The following KDM3A variants were observed in gnomAD, a reference collection of about 807,000 sequenced individuals.
KDM3A encodes lysine demethylase 3A, also known as lysine-specific demethylase 3A.
In KDM3A, 60 loss-of-function variants were observed where a neutral mutation model predicts 158.0. The observed-to-expected ratio is 0.38, with a 90% CI of 0.31 to 0.47. The LOEUF (loss-of-function observed/expected upper bound fraction) is 0.47. Among genes scored for constraint, KDM3A ranks in the 20% least tolerant of loss-of-function variants. KDM3A has a pLI of 0.99. For missense variants in KDM3A, 1,319 were observed against 1,574.3 expected, an observed-to-expected ratio of 0.84 and a Z score of 2.74; for synonymous variants, 608 against 549.3, an observed-to-expected ratio of 1.11 and a Z score of -1.49.
chr2:86,462,122 G>A (rs189216374), intron 8 of KDM3A, among the ~76,000 whole-genome samples: 1 of 152,164 alleles, frequency 6.6e-6, no homozygotes, highest in East Asian at 1.9e-4. Context: ...GAAAAGAAAT[G>A]GGTAGATTCA....
intron 12 of KDM3A, among the ~76,000 whole-genome samples, chr2:86,477,595 A>AG (rs1382631145): frequency 1.3e-5 from 2 of 152,108 alleles, no homozygotes; most frequent in East Asian, 3.9e-4. Flanking sequence ...CAGTCTGAAT[A>AG]GGGATTCTGC....
chr2:86,479,901 A>G, intron 15 of KDM3A: 1 of 461,288 alleles, frequency 2.2e-6, no homozygotes, highest in South Asian at 2.4e-5. Flanking sequence ...ACATAGAGTA[A>G]TAGGGATATG....
At chr2:86,445,881 G>A (rs1025168444) in intron 2 of KDM3A, among the ~76,000 whole-genome samples, 10 of 152,200 alleles carry the variant, frequency 6.6e-5, no homozygotes, top group African/African-American at 2.4e-4. Flanking sequence ...GTGGAGTAGT[G>A]AATTAAGTGG....
rs56347930 is a variant in KDM3A at position 86,456,778 on chromosome 2, G to A, written c.682-27G>A. The stretch of plus-strand genomic sequence containing the variant: ...TGTTCTTGAGCATTTTTTATTTTCC[G>A]GTATCTTTGTTTCATTTATTTTTAA... On this transcript the variant is annotated intron_variant, in intron 6 of 25. Transcript: ENST00000312912. 4.0e-5 allele frequency: 63 copies of A among 1,562,812 alleles called. No homozygotes were observed. In the African/African-American group the frequency reaches 6.8e-4, roughly 17 times the overall value.
At chr2:86,484,902 G>C in intron 19 of KDM3A, 40 bp from the exon 20 acceptor site, 1 of 1,293,608 alleles carries the variant, frequency 7.7e-7, no homozygotes, top group South Asian at 1.2e-5. Context: ...GTCTGTTTCT[G>C]AATTATAAAT....
intron 2 of KDM3A, among the ~76,000 whole-genome samples, chr2:86,444,973 C>G (rs761029440): frequency 6.6e-6 from 1 of 152,076 alleles, no homozygotes; most frequent in Non-Finnish European, 1.5e-5. Flanking sequence ...AAAAAATAAT[C>G]ATTAAATGGA....
intron 16 of KDM3A, among the ~76,000 whole-genome samples, chr2:86,480,800 A>C (rs115564415): frequency 1.3e-5 from 2 of 152,346 alleles, no homozygotes; most frequent in African/African-American, 2.4e-5. Flanking sequence ...TAATTTGAAA[A>C]GCTGGCAAGA....
intron 12 of KDM3A, among the ~76,000 whole-genome samples, chr2:86,476,265 A>G (rs1363463518): frequency 1.3e-5 from 2 of 152,228 alleles, no homozygotes; most frequent in Non-Finnish European, 2.9e-5. Flanking sequence ...TTTGGAATGT[A>G]TTAGTGGCTT....
upstream of KDM3A, among the ~76,000 whole-genome samples, chr2:86,440,335 A>C (rs1221645420): frequency 6.6e-6 from 1 of 152,186 alleles, no homozygotes; most frequent in South Asian, 2.1e-4. Context: ...GGGAGGCATG[A>C]GTTCTTCTTA....
upstream of KDM3A, chr2:86,440,679 A>G (rs1321746707): frequency 6.6e-6 from 1 of 152,246 alleles, no homozygotes; most frequent in Non-Finnish European, 1.5e-5. Context: ...TTCTTCATTT[A>G]TCCTTCAAAA....
At chr2:86,469,951 C>T (rs1673326461) in intron 10 of KDM3A, among the ~76,000 whole-genome samples, 1 of 152,100 alleles carries the variant, frequency 6.6e-6, no homozygotes, top group African/African-American at 2.4e-5. Context: ...GTGAGTCTGG[C>T]TGTTTAATTT....
At position 86,478,159 on chromosome 2, in the gene KDM3A, G is replaced by GC. The variant is rs1275890868; in HGVS notation, c.2093-11_2093-10insC. ...TGTAAAGAACAGTTACTACAAATCA[G>GC]TTATTTGCAGGTGCTGCTTACAAGA... On this transcript the variant is annotated splice_polypyrimidine_tract_variant and intron_variant, in intron 13 of 25. Coordinates refer to ENST00000312912, the MANE Select transcript of KDM3A (RefSeq NM_018433.6). 6.2e-7 allele frequency: 1 copy of GC among 1,612,768 alleles called. No individual in the cohort carries two copies. The highest frequency in any genetic ancestry group is 1.7e-5 in the Admixed American group (1 of 60,002).
chr2:86,456,398 A>G (rs1178183121), intron 5 of KDM3A, 44 bp from the exon 6 acceptor site: 4 of 1,342,068 alleles, frequency 3.0e-6, no homozygotes, highest in South Asian at 3.0e-5. Context: ...ATTGGGAGAT[A>G]ATGCAAATTG....
Position 86,449,871 on chromosome 2 carries a change from T to C in KDM3A, c.251T>C (p.Leu84Pro), listed in dbSNP as rs1672368176. The C allele has an allele frequency of 6.2e-7, 1 of 1,613,888 alleles. No individual in the cohort carries two copies. Among genetic ancestry groups the C allele is most frequent in the Middle Eastern group, 1.7e-4 (1 of 6,056 alleles). Residue 84 changes from leucine (L) to proline (P), a missense_variant, in exon 3 of 26, where the codon CTA becomes CCA. By Grantham distance (98) the Leu-to-Pro change is moderately conservative. This residue lies in a region of KDM3A where 652 missense variants were observed against 627.2 expected (regional missense o/e 1.04). Coordinates refer to ENST00000312912, the MANE Select transcript of KDM3A (RefSeq NM_018433.6). Reference protein sequence around the residue: ...KRRWIEVYSLLRRAFLVEHNL... With the variant: ...KRRWIEVYSLPRRAFLVEHNL... Reference sequence around the variant, plus strand: ...AGATGGATAGAAGTCTACAGCCTTCTAAGGAGAGCATTTTTAGTAGAACAT... The same window carrying C: ...AGATGGATAGAAGTCTACAGCCTTCCAAGGAGAGCATTTTTAGTAGAACAT...
intron 1 of KDM3A, 31 bp downstream of exon 1, chr2:86,441,475 G>A (rs1275908590): frequency 6.6e-6 from 1 of 150,706 alleles, no homozygotes; most frequent in African/African-American, 2.4e-5. Flanking sequence ...GCTGCGGGGA[G>A]AGGGGAGAGA....
chr2:86,478,821 A>G (rs1288062268), intron 15 of KDM3A, 86 bp downstream of exon 15: 5 of 1,302,876 alleles, frequency 3.8e-6, no homozygotes, highest in African/African-American at 1.5e-5. Context: ...CTATCAGTGC[A>G]TTTGAAAGGA....
intron 2 of KDM3A, among the ~76,000 whole-genome samples, chr2:86,442,751 C>T (rs1053171595): frequency 6.6e-6 from 1 of 151,760 alleles, no homozygotes; most frequent in African/African-American, 2.4e-5. Context: ...GGTGTTTGTC[C>T]GTATATGGTG....
intron 11 of KDM3A, among the ~76,000 whole-genome samples, chr2:86,471,840 A>G (rs1673427313): frequency 6.6e-6 from 1 of 152,220 alleles, no homozygotes; most frequent in Non-Finnish European, 1.5e-5. Flanking sequence ...ATATGCATAT[A>G]TTAATATATT....
intron 10 of KDM3A, among the ~76,000 whole-genome samples, chr2:86,469,968 T>C (rs112396166): frequency 2.4e-4 from 36 of 152,318 alleles, no homozygotes; most frequent in African/African-American, 8.4e-4. Context: ...ATTTGGGGTT[T>C]TATGTTGCCA....
Sources: allele counts gnomAD v4.1 joint callset (sites outside exome capture counted in the v4.1 genomes callset), GRCh38; gene constraint gnomAD v4.1.1; regional missense constraint gnomAD v4.1.1; transcripts MANE v1.5; gene names NCBI Gene and HGNC (gene_info 2026-07-23, HGNC 2026-07-21).